ARMC9: variants seen among roughly 807,000 people sequenced by gnomAD.
ARMC9 encodes the protein armadillo repeat containing 9.
In ARMC9, 94 loss-of-function variants were observed where a neutral mutation model predicts 107.0. The ratio of observed to expected loss-of-function variants is 0.88; its 90% CI spans 0.74 to 1.04. The LOEUF (loss-of-function observed/expected upper bound fraction) is 1.04. Among genes scored for constraint, ARMC9 ranks in the 50% least tolerant of loss-of-function variants. The pLI, the probability that ARMC9 is intolerant of heterozygous loss-of-function variation, is 0.00. For synonymous variants in ARMC9, 380 were observed against 396.9 expected (o/e 0.96, Z 0.51); for missense variants, 942 against 1,030.1 (o/e 0.91, Z 1.17).
At chr2:231,282,195 G>C in intron 17 of ARMC9, 62 bp downstream of exon 17, 1 of 1,531,244 alleles carries the variant, frequency 6.5e-7, no homozygotes, top group Non-Finnish European at 9.0e-7. Flanking sequence ...AGAGCTTTTA[G>C]AGCAAGACCT....
At chr2:231,224,803 A>C (rs561836973) in intron 6 of ARMC9, among the ~76,000 whole-genome samples, 1 of 152,240 alleles carries the variant, frequency 6.6e-6, no homozygotes, top group East Asian at 1.9e-4. Context: ...CTCTTAGCCA[A>C]ACTGGAGCTT....
chr2:231,220,596 C>CAAAAAAAAAAAAAAAAAAA (rs71396668), intron 5 of ARMC9, among the ~76,000 whole-genome samples: 1 of 66,176 alleles, frequency 1.5e-5, no homozygotes, highest in Non-Finnish European at 3.1e-5. Flanking sequence ...GACTCCATCT[C>CAAAAAAAAAAAAAAAAAAA]AAAAAAAAAA....
intron 12 of ARMC9, among the ~76,000 whole-genome samples, chr2:231,268,371 G>GTAATGGGTT (rs1270006752): frequency 1.3e-5 from 2 of 152,226 alleles, no homozygotes; most frequent in Non-Finnish European, 2.9e-5. Context: ...CTAAATGGGT[G>GTAATGGGTT]TAATGGTAAT....
At chr2:231,252,389 A>G (rs1028690158) in intron 9 of ARMC9, among the ~76,000 whole-genome samples, 1 of 152,158 alleles carries the variant, frequency 6.6e-6, no homozygotes, top group African/African-American at 2.4e-5. Flanking sequence ...AGCTGGGATT[A>G]CAGGCGCCCG....
At chr2:231,332,081 GT>G (rs1252822313) in intron 20 of ARMC9, among the ~76,000 whole-genome samples, 184 bp downstream of exon 20, 7 of 152,214 alleles carry the variant, frequency 4.6e-5, no homozygotes, top group Non-Finnish European at 4.4e-5. Flanking sequence ...CTAGCTACCT[GT>G]CACAAGTAGA....
chr2:231,275,313 A>T (rs538130644), intron 14 of ARMC9, among the ~76,000 whole-genome samples: 4 of 152,142 alleles, frequency 2.6e-5, no homozygotes, highest in Non-Finnish European at 5.9e-5. Context: ...TAACCTGCGC[A>T]TCCGGAGATG....
At chr2:231,343,528 A>G (rs1308502406) in intron 20 of ARMC9, among the ~76,000 whole-genome samples, 1 of 152,078 alleles carries the variant, frequency 6.6e-6, no homozygotes, top group Non-Finnish European at 1.5e-5. Context: ...ATCTTATGTA[A>G]TTTATAGCAT....
At chr2:231,346,429 G>A (rs751777753) in intron 21 of ARMC9, among the ~76,000 whole-genome samples, 38 of 152,202 alleles carry the variant, frequency 2.5e-4, no homozygotes, top group Non-Finnish European at 4.7e-4. Context: ...GCTGAGGCAG[G>A]AGAATGCCGT....
At chr2:231,352,176 A>T (rs938429411) in intron 21 of ARMC9, among the ~76,000 whole-genome samples, 1 of 152,018 alleles carries the variant, frequency 6.6e-6, no homozygotes. Context: ...TATGTTGCCT[A>T]GTCTTGAACT....
At chr2:231,258,520 T>A (rs1314763308) in intron 10 of ARMC9, among the ~76,000 whole-genome samples, 1 of 152,128 alleles carries the variant, frequency 6.6e-6, no homozygotes, top group African/African-American at 2.4e-5. Context: ...CTGACTGTTG[T>A]TCATATTCCC....
chr2:231,351,526 T>G (rs747987922), intron 21 of ARMC9, among the ~76,000 whole-genome samples: 1 of 152,132 alleles, frequency 6.6e-6, no homozygotes. Context: ...CAGAGAGAAT[T>G]ATGATCATCA....
chr2:231,272,966 C>T lies in ARMC9; in HGVS notation c.1222C>T (p.Leu408Phe), dbSNP rs753090752. Residue 408 changes from leucine to phenylalanine, a missense_variant, in exon 14 of 25, where the codon CTT becomes TTT. Transcript: ENST00000611582. ...FASLAEGRLY[L>F]AQNTKVLQML... ...TGGTGTATTATCAGGTCGCCTCTACCTTGCCCAGAACACAAAGGTGCTGCA... is the reference window on the plus strand; with the variant it reads ...TGGTGTATTATCAGGTCGCCTCTACTTTGCCCAGAACACAAAGGTGCTGCA... The T allele has an allele frequency of 9.9e-6, 16 of 1,613,728 alleles. No individual in the cohort carries two copies. The East Asian group carries it at 3.1e-4, about 31-fold the overall frequency.
intron 9 of ARMC9, among the ~76,000 whole-genome samples, chr2:231,244,876 G>A (rs867542801): frequency 6.6e-6 from 1 of 152,270 alleles, no homozygotes; most frequent in Non-Finnish European, 1.5e-5. Context: ...AGGCAGGGCA[G>A]TGATGCCCAG....
chr2:231,322,100 T>C (rs2043030246), intron 19 of ARMC9, among the ~76,000 whole-genome samples: 1 of 152,272 alleles, frequency 6.6e-6, no homozygotes, highest in African/African-American at 2.4e-5. Flanking sequence ...TGAAACCAAC[T>C]GTCATACCCT....
Position 231,222,732 on chromosome 2 carries a change from C to G in ARMC9, c.509C>G (p.Ser170Cys). 1 of 1,527,998 alleles carries G rather than the reference C, an allele frequency of 6.5e-7. No individual in the cohort carries two copies. The highest frequency in any genetic ancestry group is 1.7e-5 in the Admixed American group (1 of 57,444). 94.7% of individuals were successfully genotyped at this position (1,527,998 alleles called of 1,614,324 possible). Reference protein sequence around the residue: ...HPSFKELFQDSWTPELKLKLI... With the variant: ...HPSFKELFQDCWTPELKLKLI... ...TTTGTTCCCTTTTTTCTTTAGGATTCCTGGACTCCAGAGTTAAAGTTGAAG... is the reference window on the plus strand; with the variant it reads ...TTTGTTCCCTTTTTTCTTTAGGATTGCTGGACTCCAGAGTTAAAGTTGAAG... Residue 170 changes from serine (S) to cysteine (C), a missense_variant, in exon 6 of 25, where the codon TCC becomes TGC. Ser to Cys is a moderately radical substitution (Grantham distance 112). Transcript: ENST00000611582.
intron 10 of ARMC9, 65 bp downstream of exon 10, chr2:231,256,685 G>A: frequency 6.4e-7 from 1 of 1,553,422 alleles, no homozygotes; most frequent in South Asian, 1.1e-5. Flanking sequence ...GGAATTCAAA[G>A]TGTCTTTAAT....
At chr2:231,307,876 A>T (rs1219197372) in intron 19 of ARMC9, among the ~76,000 whole-genome samples, 7 of 152,252 alleles carry the variant, frequency 4.6e-5, no homozygotes, top group African/African-American at 7.2e-5. Flanking sequence ...TTAGCAAATA[A>T]GAGAGGTGTT....
Position 231,355,847 on chromosome 2 carries a change from GGCCACCCGCAGGCCCT to G in ARMC9, c.2049_2064del (p.His683GlnfsTer64), listed in dbSNP as rs2045323569. ...CCAGACAGCCCAGCACGCCAGAAAC[GGCCACCCGCAGGCCCT>G]GCCAGCCGCTCACGAGGCTGTCTAC... On this transcript the variant is annotated frameshift_variant, in exon 22 of 25. Transcript: ENST00000611582. LOFTEE classifies it high-confidence loss of function. 1.3e-6 allele frequency: 2 copies of G among 1,536,094 alleles called. No homozygotes were observed. Among genetic ancestry groups the G allele is most frequent in the African/African-American group, 2.7e-5 (2 of 73,154 alleles).
chr2:231,365,901 C>T (rs2045797103), intron 23 of ARMC9, among the ~76,000 whole-genome samples: 1 of 152,140 alleles, frequency 6.6e-6, no homozygotes, highest in East Asian at 1.9e-4. Context: ...CGGGTTCAAG[C>T]GATTCTCCTG....
Sources: allele counts gnomAD v4.1 joint callset (sites outside exome capture counted in the v4.1 genomes callset), GRCh38; gene constraint gnomAD v4.1.1; transcripts MANE v1.5; gene names NCBI Gene and HGNC (gene_info 2026-07-23, HGNC 2026-07-21).